The following HLF variants were observed in gnomAD, a reference collection of about 807,000 sequenced individuals.
HLF encodes HLF transcription factor, PAR bZIP family member.
A neutral mutation model predicts 22.6 loss-of-function variants in HLF; 3 were observed. The observed-to-expected ratio is 0.13, with a 90% CI of 0.06 to 0.34. HLF has a LOEUF of 0.34. Ranked by LOEUF, HLF falls within the 10% of genes least tolerant of loss-of-function variation. The probability of loss-of-function intolerance (pLI) is 1.00; values close to 1 mark genes in which losing one functional copy is unlikely to be tolerated. For synonymous variants in HLF, 151 were observed against 151.8 expected (o/e 0.99, Z 0.04); for missense variants, 299 against 389.2 (o/e 0.77, Z 1.95).
chr17:55,298,101 C>T (rs1484075607), intron 2 of HLF, among the ~76,000 whole-genome samples: 2 of 152,074 alleles, frequency 1.3e-5, no homozygotes, highest in African/African-American at 4.8e-5. Context: ...CTACTCCCAC[C>T]CAGCATTTGC....
intron 2 of HLF, among the ~76,000 whole-genome samples, chr17:55,270,927 C>G (rs1439369534): frequency 1.3e-5 from 2 of 152,184 alleles, no homozygotes; most frequent in African/African-American, 2.4e-5. Flanking sequence ...CAGGCGTGAG[C>G]CACCGCGCCC....
intron 1 of HLF, chr17:55,266,396 A>G (rs1457413704): frequency 6.6e-6 from 1 of 152,274 alleles, no homozygotes; most frequent in Admixed American, 6.5e-5. Flanking sequence ...AAACCCGGCT[A>G]AGTGATGCCA....
intron 2 of HLF, among the ~76,000 whole-genome samples, chr17:55,283,162 C>T (rs72834878): frequency 0.13 from 19,893 of 151,992 alleles, 1,687 homozygotes; most frequent in East Asian, 0.24. Context: ...GGAAACACCC[C>T]AGGGCCCACT....
intron 2 of HLF, among the ~76,000 whole-genome samples, chr17:55,277,625 T>TGGG (rs35330503): frequency 6.6e-6 from 1 of 150,636 alleles, no homozygotes; most frequent in African/African-American, 2.5e-5. Flanking sequence ...GGGATCGGAT[T>TGGG]GGGGGGGGTT....
At chr17:55,317,466 G>A (rs769817420) in intron 3 of HLF, among the ~76,000 whole-genome samples, 1 of 152,206 alleles carries the variant, frequency 6.6e-6, no homozygotes, top group Non-Finnish European at 1.5e-5. Flanking sequence ...TGGCAACAAA[G>A]AGGCCAGACA....
chr17:55,270,453 G>T (rs1358189064), intron 2 of HLF, among the ~76,000 whole-genome samples: 1 of 152,160 alleles, frequency 6.6e-6, no homozygotes, highest in Non-Finnish European at 1.5e-5. Context: ...GATATTGCAA[G>T]CAAACCTGAA....
intron 2 of HLF, among the ~76,000 whole-genome samples, chr17:55,314,778 C>A (rs1904997931): frequency 6.6e-6 from 1 of 152,172 alleles, no homozygotes; most frequent in South Asian, 2.1e-4. Flanking sequence ...GTACCATTTC[C>A]TCACACTGTG....
rs1417455753 is a variant in HLF at position 55,324,743 on chromosome 17, G to C, written c.*3864G>C. 1 of 233,162 alleles carries C rather than the reference G, an allele frequency of 4.3e-6. No homozygotes were observed. Among genetic ancestry groups the C allele is most frequent in the African/African-American group, 2.2e-5 (1 of 45,310 alleles). The allele number at this position is 233,162 out of a possible 1,614,324, so 14.4% of individuals were successfully genotyped here. ...AATGAGCAAAGCCTTATCCGAATCG[G>C]ATATAGCAACTAAAGTCAATACATT... On this transcript the variant is annotated 3_prime_UTR_variant, in exon 4 of 4. Transcript: ENST00000226067.
intron 2 of HLF, among the ~76,000 whole-genome samples, chr17:55,301,356 TAATC>T (rs1336066369): frequency 5.2e-5 from 8 of 152,402 alleles, no homozygotes; most frequent in Non-Finnish European, 7.3e-5. Context: ...ATGAATGTCT[TAATC>T]AACAAAGACA....
At chr17:55,299,781 G>A (rs868770774) in intron 2 of HLF, among the ~76,000 whole-genome samples, 3 of 151,636 alleles carry the variant, frequency 2.0e-5, no homozygotes, top group Non-Finnish European at 2.9e-5. Context: ...TTCTTGCTAC[G>A]TTGCCCAGGC....
intron 2 of HLF, among the ~76,000 whole-genome samples, chr17:55,302,739 T>G (rs914466525): frequency 6.6e-6 from 1 of 152,154 alleles, no homozygotes; most frequent in African/African-American, 2.4e-5. Context: ...GGCCTGCACA[T>G]TTTCACCAAC....
At chr17:55,310,455 G>A (rs1904778089) in intron 2 of HLF, among the ~76,000 whole-genome samples, 1 of 152,158 alleles carries the variant, frequency 6.6e-6, no homozygotes, top group Admixed American at 6.5e-5. Flanking sequence ...AACAAGGTTG[G>A]AAGAATTGGA....
chr17:55,265,159 C>A lies in HLF; in HGVS notation c.-326C>A, dbSNP rs1414578418. ...TCTGCAGCCGTCGACATTTTTTTTT[C>A]TTTCTTTTTTTCAATTTTGAACATT... is the stretch of plus-strand genomic sequence containing the variant. On this transcript the variant is annotated 5_prime_UTR_variant, in exon 1 of 4. Transcript: ENST00000226067. 1.7e-5 allele frequency: 4 copies of A among 228,582 alleles called. No individual in the cohort carries two copies. In the East Asian group the frequency reaches 2.7e-4, roughly 15 times the overall value. 14.2% of individuals were successfully genotyped at this position (228,582 alleles called of 1,614,324 possible).
At chr17:55,284,594 C>G (rs1458396510) in intron 2 of HLF, among the ~76,000 whole-genome samples, 2 of 152,144 alleles carry the variant, frequency 1.3e-5, no homozygotes, top group Non-Finnish European at 2.9e-5. Context: ...GGTTGGGAAG[C>G]CTGGGCACTG....
intron 2 of HLF, among the ~76,000 whole-genome samples, chr17:55,286,679 T>C (rs2145323914): frequency 6.6e-6 from 1 of 152,314 alleles, no homozygotes; most frequent in East Asian, 1.9e-4. Context: ...AAATAAACTC[T>C]TTTTCCCCAT....
intron 2 of HLF, among the ~76,000 whole-genome samples, chr17:55,299,418 C>T (rs902363111): frequency 2.6e-5 from 4 of 152,146 alleles, no homozygotes; most frequent in Non-Finnish European, 5.9e-5. Context: ...CCCCACAAAA[C>T]ATACACTCTC....
chr17:55,269,182 G>A (rs2080827791), intron 2 of HLF, among the ~76,000 whole-genome samples: 2 of 152,134 alleles, frequency 1.3e-5, no homozygotes, highest in Non-Finnish European at 2.9e-5. Flanking sequence ...TGATGTAAAG[G>A]AGGAAGAGAA....
At chr17:55,298,042 G>T (rs1411327119) in intron 2 of HLF, among the ~76,000 whole-genome samples, 2 of 151,938 alleles carry the variant, frequency 1.3e-5, no homozygotes, top group Admixed American at 1.3e-4. Context: ...GAGCCACCGC[G>T]CCCAGCCAGC....
intron 2 of HLF, among the ~76,000 whole-genome samples, chr17:55,270,380 A>C (rs1002320941): frequency 6.6e-6 from 1 of 152,258 alleles, no homozygotes; most frequent in African/African-American, 2.4e-5. Flanking sequence ...TCTGCTGTTC[A>C]TAGATTGTTG....
Sources: allele counts gnomAD v4.1 joint callset (sites outside exome capture counted in the v4.1 genomes callset), GRCh38; gene constraint gnomAD v4.1.1; transcripts MANE v1.5; gene names NCBI Gene and HGNC (gene_info 2026-07-23, HGNC 2026-07-21).